The following ZNF609 variants were observed in gnomAD, a reference collection of about 807,000 sequenced individuals.
ZNF609 encodes the protein zinc finger protein 609.
In ZNF609, 11 loss-of-function variants were observed where a neutral mutation model predicts 109.5. The ratio of observed to expected loss-of-function variants is 0.10; its 90% CI spans 0.06 to 0.17. ZNF609 has a LOEUF of 0.17. Among genes scored for constraint, ZNF609 ranks in the 10% least tolerant of loss-of-function variants. The pLI, the probability that ZNF609 is intolerant of heterozygous loss-of-function variation, is 1.00. For missense variants in ZNF609, 1,559 were observed against 1,772.4 expected, an observed-to-expected ratio of 0.88 and a Z score of 2.16; for synonymous variants, 646 against 662.0, an observed-to-expected ratio of 0.98 and a Z score of 0.37.
intron 1 of ZNF609, among the ~76,000 whole-genome samples, chr15:64,479,182 A>G (rs1298299555): frequency 6.6e-6 from 1 of 152,078 alleles, no homozygotes; most frequent in Non-Finnish European, 1.5e-5. Context: ...GCCTTTCCAT[A>G]AGAAAGAAAT....
intron 2 of ZNF609, among the ~76,000 whole-genome samples, chr15:64,576,911 TA>T (rs1894964956): frequency 7.6e-6 from 1 of 131,220 alleles, no homozygotes. Flanking sequence ...TATATATGTA[TA>T]TATACATATA....
chr15:64,589,846 G>A (rs1054726141), intron 2 of ZNF609, among the ~76,000 whole-genome samples: 2 of 152,168 alleles, frequency 1.3e-5, no homozygotes, highest in African/African-American at 4.8e-5. Flanking sequence ...GACAGTTAAA[G>A]AGATTATAGA....
At position 64,607,468 on chromosome 15, in the gene ZNF609, T is replaced by A. The variant is rs73453007; in HGVS notation, c.748-15359T>A. ...AAATAATATGTTAATATTTAACAGG[T>A]TTTTTAATGTTATTTTAACTAACTT... On this transcript the variant is annotated intron_variant, in intron 2 of 9. Transcript: ENST00000326648. Among the ~76,000 whole-genome samples the A allele has an allele frequency of 2.6e-5, 4 of 151,692 alleles. No homozygotes were observed. In the South Asian group the frequency reaches 8.3e-4, roughly 31 times the overall value.
At chr15:64,568,053 A>C (rs894650677) in intron 2 of ZNF609, among the ~76,000 whole-genome samples, 5 of 152,180 alleles carry the variant, frequency 3.3e-5, no homozygotes, top group African/African-American at 9.7e-5. Context: ...TAGATTCAAT[A>C]ATTGTCAAAG....
At chr15:64,628,181 G>A (rs1013604540) in intron 3 of ZNF609, among the ~76,000 whole-genome samples, 28 of 152,038 alleles carry the variant, frequency 1.8e-4, no homozygotes, top group Admixed American at 5.2e-4. Flanking sequence ...TGTGCCTGTA[G>A]TCCCAGCTAC....
chr15:64,553,098 ACTCT>A (rs1223783748), intron 2 of ZNF609, among the ~76,000 whole-genome samples: 1 of 151,748 alleles, frequency 6.6e-6, no homozygotes, highest in South Asian at 2.1e-4. Context: ...CTATTTCTGG[ACTCT>A]CTGATTTGTC....
At chr15:64,665,147 AG>A (rs1489791739) in intron 3 of ZNF609, among the ~76,000 whole-genome samples, 2 of 152,228 alleles carry the variant, frequency 1.3e-5, no homozygotes, top group Non-Finnish European at 2.9e-5. Context: ...TTAAGATGCC[AG>A]GGCACTGCAA....
intron 2 of ZNF609, among the ~76,000 whole-genome samples, chr15:64,512,738 T>G (rs1893751917): frequency 6.6e-6 from 1 of 152,140 alleles, no homozygotes; most frequent in Admixed American, 6.5e-5. Context: ...TTGCTGAGAT[T>G]TTTAAGTCTT....
At position 64,641,219 on chromosome 15, in the gene ZNF609, C is replaced by CTTTTTTTTTTTTTT. The variant is rs34007985; in HGVS notation, c.973+18169_973+18182dup. Among the ~76,000 whole-genome samples, 654 of 69,678 alleles carry CTTTTTTTTTTTTTT rather than the reference C, an allele frequency of 9.4e-3. 114 individuals carry two copies. The highest frequency in any genetic ancestry group is 0.026 in the African/African-American group (494 of 18,832). The allele number at this position is 69,678 out of a possible 152,430, so 45.7% of individuals were successfully genotyped here. ...TGGGTGTTAGTTACACTTGTGCTTT[C>CTTTTTTTTTTTTTT]TTTTTTTTTTTTTTTGAGATGGAGT... is the stretch of plus-strand genomic sequence containing the variant. On this transcript the variant is annotated intron_variant, in intron 3 of 9. Transcript: ENST00000326648.
At chr15:64,478,638 C>G (rs1196658030) in intron 1 of ZNF609, among the ~76,000 whole-genome samples, 2 of 152,050 alleles carry the variant, frequency 1.3e-5, no homozygotes, top group Admixed American at 6.6e-5. Context: ...CCCAGACTCC[C>G]AAAGCACTGG....
intron 2 of ZNF609, chr15:64,501,157 C>G (rs141572715): frequency 6.1e-4 from 93 of 152,342 alleles, no homozygotes; most frequent in African/African-American, 2.2e-3. Flanking sequence ...CCTGTGCTTT[C>G]AGCTGATCCC....
intron 3 of ZNF609, among the ~76,000 whole-genome samples, chr15:64,640,113 G>A (rs1254263695): frequency 6.6e-6 from 1 of 152,120 alleles, no homozygotes; most frequent in African/African-American, 2.4e-5. Flanking sequence ...AGTAGAGACA[G>A]TGTTTCACCA....
rs1895901773 is a variant in ZNF609, at chr15:64,623,044, C to T, written c.965C>T (p.Thr322Ile). ...VNLEGIVWQE[T>I]EDGMLVVNVT... is the part of the protein sequence containing the mutation. Reference sequence around the variant, plus strand: ...CTTGAAGGCATCGTGTGGCAGGAAACAGAAGATGGTAAGTGTGATATGTGG... The same window carrying T: ...CTTGAAGGCATCGTGTGGCAGGAAATAGAAGATGGTAAGTGTGATATGTGG... Residue 322 changes from threonine to isoleucine, a missense_variant, in exon 3 of 10, where the codon ACA (threonine) becomes ATA (isoleucine). Transcript: ENST00000326648. 6.2e-7 allele frequency: 1 copy of T among 1,614,170 alleles called. No homozygotes were observed. Among genetic ancestry groups the T allele is most frequent in the African/African-American group, 1.3e-5 (1 of 75,078 alleles).
At chr15:64,557,660 T>G (rs1894610777) in intron 2 of ZNF609, among the ~76,000 whole-genome samples, 1 of 152,104 alleles carries the variant, frequency 6.6e-6, no homozygotes, top group African/African-American at 2.4e-5. Context: ...TTTAGGAATT[T>G]TTTAGGAAGC....
intron 2 of ZNF609, among the ~76,000 whole-genome samples, chr15:64,615,847 T>C (rs554015575): frequency 1.3e-5 from 2 of 152,314 alleles, no homozygotes; most frequent in African/African-American, 4.8e-5. Flanking sequence ...TGAACATTCA[T>C]GTACCAACAT....
chr15:64,473,848 C>G (rs538448297), intron 1 of ZNF609, among the ~76,000 whole-genome samples: 1 of 152,216 alleles, frequency 6.6e-6, no homozygotes, highest in East Asian at 1.9e-4. Context: ...GATCTCGGCT[C>G]ACTGCAACCT....
intron 1 of ZNF609, among the ~76,000 whole-genome samples, chr15:64,481,338 G>C (rs1025242755): frequency 2.0e-5 from 1 of 50,462 alleles, no homozygotes; most frequent in African/African-American, 8.1e-5. Flanking sequence ...TTTTTTTTTT[G>C]AGACGGAGTT....
At chr15:64,665,058 G>C (rs965326422) in intron 3 of ZNF609, among the ~76,000 whole-genome samples, 4 of 152,204 alleles carry the variant, frequency 2.6e-5, no homozygotes, top group Non-Finnish European at 5.9e-5. Flanking sequence ...TTTTGGGGGA[G>C]ACATCCATTT....
intron 1 of ZNF609, among the ~76,000 whole-genome samples, chr15:64,487,695 C>G (rs1334822858): frequency 6.6e-6 from 1 of 151,892 alleles, no homozygotes; most frequent in Admixed American, 6.6e-5. Context: ...TGCGGTGGCA[C>G]AATCTCGGCT....
Sources: gnomAD v4.1 joint callset for allele counts (sites outside exome capture counted in the v4.1 genomes callset) on GRCh38, gnomAD v4.1.1 for gene constraint, MANE v1.5 for transcripts, NCBI Gene and HGNC (gene_info 2026-07-23, HGNC 2026-07-21) for gene names.